Variants in CAMK2G observed in about 807,000 individuals in gnomAD.
CAMK2G encodes the protein calcium/calmodulin-dependent protein kinase type II subunit gamma.
CAMK2G carries 23 observed loss-of-function variants against 88.7 expected under a neutral mutation model. That is an observed-to-expected ratio of 0.26 (90% CI 0.19 to 0.37). CAMK2G has a LOEUF of 0.37. Ranked by LOEUF, CAMK2G falls within the 10% of genes least tolerant of loss-of-function variation. The probability of loss-of-function intolerance (pLI) is 1.00; values close to 1 mark genes in which losing one functional copy is unlikely to be tolerated. For missense variants in CAMK2G, 476 were observed against 780.8 expected, an observed-to-expected ratio of 0.61 and a Z score of 4.65; for synonymous variants, 263 against 294.8, an observed-to-expected ratio of 0.89 and a Z score of 1.11.
chr10:73,843,227 C>A (rs2093950798), intron 10 of CAMK2G, among the ~76,000 whole-genome samples: 1 of 152,128 alleles, frequency 6.6e-6, no homozygotes, highest in South Asian at 2.1e-4. Flanking sequence ...CCACACCCAG[C>A]TAATTTTTGT....
intron 14 of CAMK2G, 84 bp downstream of exon 14, chr10:73,837,384 G>A: frequency 9.4e-7 from 1 of 1,059,108 alleles, no homozygotes; most frequent in Non-Finnish European, 1.5e-6. Context: ...GATTCCCTGG[G>A]AAAGGGGGAA....
chr10:73,873,725 G>T (rs1256383984), intron 1 of CAMK2G, among the ~76,000 whole-genome samples: 3 of 139,486 alleles, frequency 2.2e-5, no homozygotes, highest in East Asian at 2.3e-4. Flanking sequence ...GGAAACGTCT[G>T]GGGGGGCGGG....
Position 73,874,491 on chromosome 10 carries a change from G to C in CAMK2G, c.-30C>G. 1 of 1,456,158 alleles carries C rather than the reference G, an allele frequency of 6.9e-7. No homozygotes were observed. 90.2% of individuals were successfully genotyped at this position (1,456,158 alleles called of 1,614,324 possible). On this transcript the variant is annotated 5_prime_UTR_variant, in exon 1 of 23. Transcript: ENST00000423381. The stretch of plus-strand genomic sequence containing the variant: ...GCGGGCGGGCGGACGCGGCGGTGCA[G>C]CCCGCGCCGACGTCGGTGCACAGTC...
chr10:73,864,510 G>T (rs1317961667), intron 2 of CAMK2G, among the ~76,000 whole-genome samples: 1 of 152,180 alleles, frequency 6.6e-6, no homozygotes, highest in Non-Finnish European at 1.5e-5. Context: ...GAGAAAGTGG[G>T]GAGTGCAGAT....
intron 21 of CAMK2G, 184 bp downstream of exon 21, chr10:73,816,839 A>G (rs1250896982): frequency 1.9e-6 from 3 of 1,571,120 alleles, no homozygotes; most frequent in Non-Finnish European, 2.6e-6. Context: ...GCTCAGGAGC[A>G]GGGCCTTCAA....
rs2093619791 is a variant in CAMK2G at position 73,839,784 on chromosome 10, C to G, written c.947-183G>C. ...GCCAGCCCTGCAGCAGTCTGGGGGC[C>G]TGGGAAGACCGGGCTGGGCCAGGGC... is the stretch of plus-strand genomic sequence containing the variant. On this transcript the variant is annotated intron_variant, in intron 12 of 22. Coordinates refer to ENST00000423381, the MANE Select transcript of CAMK2G (RefSeq NM_001367534.1). The surrounding 1 kb of genome is among the most constrained non-coding windows in gnomAD (Gnocchi z 4.2). 6.6e-6 allele frequency among the ~76,000 whole-genome samples: 1 copy of G among 152,164 alleles called. No individual in the cohort carries two copies. Among genetic ancestry groups the G allele is most frequent in the Admixed American group, 6.5e-5 (1 of 15,284 alleles).
chr10:73,839,636 C>A lies in CAMK2G; in HGVS notation c.947-35G>T. ...TACAGTCTCTCAGTGCACAGAGCCCCGCAAAGCCACGGGGCCGTCAGCAGC... is the reference window on the plus strand; with the variant it reads ...TACAGTCTCTCAGTGCACAGAGCCCAGCAAAGCCACGGGGCCGTCAGCAGC... On this transcript the variant is annotated intron_variant, in intron 12 of 22. Coordinates refer to ENST00000423381, the MANE Select transcript of CAMK2G (RefSeq NM_001367534.1). This position sits in a 1 kb window ranked among gnomAD's most constrained non-coding sequence, Gnocchi z 4.2. 2 of 1,187,026 alleles carry A rather than the reference C, an allele frequency of 1.7e-6. No homozygotes were observed. The highest frequency in any genetic ancestry group is 2.1e-6 in the Non-Finnish European group (2 of 945,826). 73.5% of individuals were successfully genotyped at this position (1,187,026 alleles called of 1,614,324 possible).
At chr10:73,845,907 T>C (rs950562777) in intron 10 of CAMK2G, among the ~76,000 whole-genome samples, 11 of 147,356 alleles carry the variant, frequency 7.5e-5, no homozygotes, top group African/African-American at 1.3e-4. Flanking sequence ...TTCCCTTCTT[T>C]TTTTTTTTTT....
At position 73,837,531 on chromosome 10, in the gene CAMK2G, T is replaced by A. The variant is rs2242255; in HGVS notation, c.1010-20A>T. 0.19 allele frequency: 299,729 copies of A among 1,603,904 alleles called. 29,082 individuals carry two copies. Among genetic ancestry groups the A allele is most frequent in the South Asian group, 0.25 (22,768 of 90,872 alleles). ...TGGCAGCTGTGAAAACAAAGAGGAA[T>A]ATCAAGTCTCCTGCATTGTACCCTC... is the stretch of plus-strand genomic sequence containing the variant. On this transcript the variant is annotated intron_variant, in intron 13 of 22. Coordinates refer to ENST00000423381, the MANE Select transcript of CAMK2G (RefSeq NM_001367534.1).
At chr10:73,825,211 G>C in intron 16 of CAMK2G, 68 bp downstream of exon 16, 1 of 1,102,486 alleles carries the variant, frequency 9.1e-7, no homozygotes, top group Non-Finnish European at 1.4e-6. Flanking sequence ...GGGGGCACAA[G>C]AGGAGGAAGA....
Position 73,842,561 on chromosome 10 carries a change from G to T in CAMK2G, c.820-20C>A, listed in dbSNP as rs1173134043. The T allele has an allele frequency of 1.0e-5, 16 of 1,578,082 alleles. No homozygotes were observed. The highest frequency in any genetic ancestry group is 1.4e-5 in the Non-Finnish European group (16 of 1,147,642). On this transcript the variant is annotated intron_variant, in intron 10 of 22. Coordinates refer to ENST00000423381, the MANE Select transcript of CAMK2G (RefSeq NM_001367534.1). This position sits in a 1 kb window ranked among gnomAD's most constrained non-coding sequence, Gnocchi z 4.6. ...TCGTTGCTAGAAACCAAACAGACAG[G>T]CTATGAGCCCCAGCCCAGATCCTCT...
intron 14 of CAMK2G, among the ~76,000 whole-genome samples, chr10:73,834,154 G>A (rs966552177): frequency 4.6e-5 from 7 of 151,840 alleles, no homozygotes; most frequent in African/African-American, 1.5e-4. Flanking sequence ...TCCTGACCTC[G>A]TGATCCACCC....
At chr10:73,855,387 T>C (rs952147599) in intron 3 of CAMK2G, among the ~76,000 whole-genome samples, 6 of 151,696 alleles carry the variant, frequency 4.0e-5, no homozygotes, top group African/African-American at 1.5e-4. Context: ...ATTAGGGAGG[T>C]GACTAACAGC....
At chr10:73,847,102 G>T in intron 10 of CAMK2G, 123 bp downstream of exon 10, 1 of 1,001,584 alleles carries the variant, frequency 1.0e-6, no homozygotes, top group Non-Finnish European at 1.5e-6. Flanking sequence ...TCCTCTGCCC[G>T]CCTGCTCAGT....
At chr10:73,818,744 C>T in intron 19 of CAMK2G, 1 of 456,094 alleles carries the variant, frequency 2.2e-6, no homozygotes, top group Middle Eastern at 3.3e-4. Flanking sequence ...GGTGTGCACC[C>T]ACAACACACA....
intron 2 of CAMK2G, among the ~76,000 whole-genome samples, chr10:73,864,364 G>C (rs902562277): frequency 2.0e-5 from 3 of 152,206 alleles, no homozygotes; most frequent in African/African-American, 7.2e-5. Context: ...TAGGAAGACA[G>C]TGGCGAACAA....
At chr10:73,819,719 G>T in intron 18 of CAMK2G, 74 bp from the exon 19 acceptor site, 1 of 953,732 alleles carries the variant, frequency 1.0e-6, no homozygotes, top group Non-Finnish European at 1.5e-6. Flanking sequence ...AGGTGAGCGA[G>T]CAAGCCAGAC....
chr10:73,867,901 G>C (rs1296086125), intron 2 of CAMK2G, among the ~76,000 whole-genome samples: 1 of 152,144 alleles, frequency 6.6e-6, no homozygotes, highest in Admixed American at 6.5e-5. Flanking sequence ...GGCACCTGCA[G>C]CACAAAACCA....
chr10:73,856,244 G>C (rs2095029674), intron 3 of CAMK2G, among the ~76,000 whole-genome samples: 1 of 152,118 alleles, frequency 6.6e-6, no homozygotes. Context: ...GGAAACTGAG[G>C]CTCCATAAGA....
Sources: gnomAD v4.1 joint callset for allele counts (sites outside exome capture counted in the v4.1 genomes callset) on GRCh38, gnomAD v4.1.1 for gene constraint, Gnocchi (gnomAD v3.1) non-coding constraint, MANE v1.5 for transcripts, NCBI Gene and HGNC (gene_info 2026-07-23, HGNC 2026-07-21) for gene names.